CHST8: variants seen among roughly 807,000 people sequenced by gnomAD.
CHST8 encodes GALNAC-4-ST1.
Under a neutral mutation model 15.0 loss-of-function variants are expected in CHST8, and 10 were observed. The observed-to-expected ratio is 0.67, with a 90% CI of 0.41 to 1.13. The LOEUF (loss-of-function observed/expected upper bound fraction) is 1.13, where lower values mean the gene tolerates loss of function less well. Ranked by LOEUF, CHST8 falls within the 50% of genes most tolerant of loss-of-function variation. The pLI, the probability that CHST8 is intolerant of heterozygous loss-of-function variation, is 0.00. For synonymous variants in CHST8, 259 were observed against 256.6 expected, an observed-to-expected ratio of 1.01 and a Z score of -0.09; for missense variants, 634 against 608.2, an observed-to-expected ratio of 1.04 and a Z score of -0.45.
At chr19:33,730,918 C>G (rs755873270) in intron 3 of CHST8, among the ~76,000 whole-genome samples, 1 of 152,032 alleles carries the variant, frequency 6.6e-6, no homozygotes, top group Non-Finnish European at 1.5e-5. Context: ...ACTGGGAGTC[C>G]GATGTTCGAG....
chr19:33,642,992 G>A (rs1003165889), intron 1 of CHST8, among the ~76,000 whole-genome samples: 10 of 152,052 alleles, frequency 6.6e-5, no homozygotes, highest in African/African-American at 1.9e-4. Flanking sequence ...TTATAGAACC[G>A]GTTCCTTGTT....
rs77054412 is a variant in CHST8, at chr19:33,712,457, G to T, written c.130+23066G>T. ...TGGTTGCTGTGGGAGGATGTCATGG[G>T]TTTGTTTGAATAATTCCATGGGCGG... is the stretch of plus-strand genomic sequence containing the variant. On this transcript the variant is annotated intron_variant, in intron 3 of 4. Transcript: ENST00000650847. Among the ~76,000 whole-genome samples the T allele has an allele frequency of 5.4e-3, 830 of 152,296 alleles. 11 individuals are homozygous for T. Among genetic ancestry groups the T allele is most frequent in the African/African-American group, 0.019 (778 of 41,550 alleles).
At chr19:33,648,128 G>T (rs1371710299) in intron 1 of CHST8, among the ~76,000 whole-genome samples, 1 of 151,922 alleles carries the variant, frequency 6.6e-6, no homozygotes, top group Admixed American at 6.6e-5. Context: ...ATTCTCCTAG[G>T]GTCAAAGCCG....
chr19:33,635,544 G>A (rs1375345720), intron 1 of CHST8, among the ~76,000 whole-genome samples: 1 of 152,066 alleles, frequency 6.6e-6, no homozygotes, highest in Non-Finnish European at 1.5e-5. Context: ...GTTGGAGGCT[G>A]CAGTGAGTTA....
intron 1 of CHST8, among the ~76,000 whole-genome samples, chr19:33,622,927 T>C (rs1972004156): frequency 6.6e-6 from 1 of 151,922 alleles, no homozygotes; most frequent in Non-Finnish European, 1.5e-5. Context: ...AGTCGGAGCC[T>C]GGGGCGGCTC....
At chr19:33,646,086 T>A (rs184793132) in intron 1 of CHST8, among the ~76,000 whole-genome samples, 13 of 152,032 alleles carry the variant, frequency 8.6e-5, no homozygotes, top group Admixed American at 1.3e-4. Context: ...TGAGATGGCA[T>A]CATGGCACTC....
chr19:33,718,222 C>CT (rs369864953), intron 3 of CHST8, among the ~76,000 whole-genome samples: 1,926 of 143,188 alleles, frequency 0.013, 36 homozygotes, highest in Admixed American at 0.06. Flanking sequence ...TTTTTTCTTT[C>CT]TTTTTTTTTT....
At chr19:33,764,225 C>T (rs1369364426) in intron 3 of CHST8, among the ~76,000 whole-genome samples, 1 of 152,192 alleles carries the variant, frequency 6.6e-6, no homozygotes, top group East Asian at 1.9e-4. Context: ...ATGGACATGA[C>T]ACAGGCCCTG....
At chr19:33,689,513 C>T in intron 3 of CHST8, 122 bp downstream of exon 3, 1 of 1,193,780 alleles carries the variant, frequency 8.4e-7, no homozygotes, top group Non-Finnish European at 1.1e-6. Flanking sequence ...GCCAAGACCC[C>T]CGGCAGGCAG....
intron 3 of CHST8, among the ~76,000 whole-genome samples, chr19:33,732,798 G>A (rs955895771): frequency 7.9e-5 from 12 of 152,128 alleles, no homozygotes; most frequent in Admixed American, 7.2e-4. Context: ...TAGAGGAAGA[G>A]ACAAAGCATG....
At chr19:33,732,489 G>T (rs1205198962) in intron 3 of CHST8, among the ~76,000 whole-genome samples, 1 of 151,742 alleles carries the variant, frequency 6.6e-6, no homozygotes, top group African/African-American at 2.4e-5. Context: ...CTGTGAATCT[G>T]TAGCCAGCTG....
At chr19:33,756,503 C>T (rs113531196) in intron 3 of CHST8, among the ~76,000 whole-genome samples, 3 of 152,154 alleles carry the variant, frequency 2.0e-5, no homozygotes, top group Non-Finnish European at 4.4e-5. Flanking sequence ...TCTTCTCCCC[C>T]AAGGGCTCCT....
At chr19:33,690,660 C>T (rs1973084602) in intron 3 of CHST8, among the ~76,000 whole-genome samples, 1 of 152,188 alleles carries the variant, frequency 6.6e-6, no homozygotes, top group Non-Finnish European at 1.5e-5. Context: ...GCCGGGCCCC[C>T]ACAGGTGGTG....
intron 3 of CHST8, among the ~76,000 whole-genome samples, chr19:33,765,370 T>C (rs1233650576): frequency 1.3e-5 from 2 of 152,016 alleles, no homozygotes; most frequent in African/African-American, 2.4e-5. Context: ...AGAGAACACA[T>C]TTTTGTCATT....
At chr19:33,712,351 G>C (rs928616195) in intron 3 of CHST8, among the ~76,000 whole-genome samples, 6 of 152,212 alleles carry the variant, frequency 3.9e-5, no homozygotes, top group African/African-American at 1.4e-4. Flanking sequence ...GAGGATTGCA[G>C]GGGTTGCACT....
intron 1 of CHST8, among the ~76,000 whole-genome samples, chr19:33,633,664 T>C (rs569733235): frequency 4.0e-5 from 6 of 150,490 alleles, no homozygotes; most frequent in Admixed American, 3.3e-4. Context: ...TCCCAAAGTG[T>C]TGGGATTACA....
intron 3 of CHST8, among the ~76,000 whole-genome samples, chr19:33,765,809 C>T (rs1008176750): frequency 6.6e-6 from 1 of 152,086 alleles, no homozygotes; most frequent in African/African-American, 2.4e-5. Context: ...GATCCACCTG[C>T]CGTAGCCTCC....
intron 3 of CHST8, among the ~76,000 whole-genome samples, chr19:33,714,611 C>T (rs1188255135): frequency 6.6e-6 from 1 of 152,196 alleles, no homozygotes; most frequent in Non-Finnish European, 1.5e-5. Flanking sequence ...TTGGCTGTGT[C>T]CCCATCCAAA....
intron 1 of CHST8, among the ~76,000 whole-genome samples, chr19:33,633,586 G>A (rs1327681652): frequency 6.7e-6 from 1 of 149,696 alleles, no homozygotes; most frequent in African/African-American, 2.5e-5. Flanking sequence ...GTAGAGATGG[G>A]GGGGTCTCAC....
Sources: allele counts gnomAD v4.1 joint callset (sites outside exome capture counted in the v4.1 genomes callset), GRCh38; gene constraint gnomAD v4.1.1; transcripts MANE v1.5; gene names NCBI Gene and HGNC (gene_info 2026-07-23, HGNC 2026-07-21).